Variants in DLG2 observed in about 807,000 individuals in gnomAD.
The protein encoded by DLG2 is disks large homolog 2.
Under a neutral mutation model 132.5 loss-of-function variants are expected in DLG2, and 45 were observed. That is an observed-to-expected ratio of 0.34 (90% CI 0.27 to 0.44). The LOEUF (loss-of-function observed/expected upper bound fraction) is 0.44. Ranked by LOEUF, DLG2 falls within the 20% of genes least tolerant of loss-of-function variation. The pLI is 1.00. For synonymous variants in DLG2, 424 were observed against 419.6 expected, an observed-to-expected ratio of 1.01 and a Z score of -0.13; for missense variants, 1,045 against 1,196.9, an observed-to-expected ratio of 0.87 and a Z score of 1.87.
At chr11:83,575,115 A>G (rs1166984509) in intron 19 of DLG2, among the ~76,000 whole-genome samples, 2 of 152,202 alleles carry the variant, frequency 1.3e-5, no homozygotes, top group African/African-American at 4.8e-5. Context: ...ATCTTTAAAG[A>G]TGTAAGAAGG....
In DLG2 at chr11:84,830,958, A is replaced by ACCC. The variant is rs147369970; in HGVS notation, c.357+280700_357+280702dup. Among the ~76,000 whole-genome samples, 139 of 80,136 alleles carry ACCC rather than the reference A, an allele frequency of 1.7e-3. 2 individuals are homozygous for ACCC. The highest frequency in any genetic ancestry group is 4.5e-3 in the South Asian group (8 of 1,792). The allele number at this position is 80,136 out of a possible 152,430, so 52.6% of individuals were successfully genotyped here. Reference sequence around the variant, plus strand: ...AGCAGTCTCTCTCTCTCCTCCCCCCACCCCCCCCAGCTCTGTCTCTATTTC... The same window carrying ACCC: ...AGCAGTCTCTCTCTCTCCTCCCCCCACCCCCCCCCCCAGCTCTGTCTCTATTTC... On this transcript the variant is annotated intron_variant, in intron 6 of 27. Coordinates refer to ENST00000376104, the MANE Select transcript of DLG2 (RefSeq NM_001142699.3).
chr11:84,193,206 G>C (rs12787368), intron 8 of DLG2, among the ~76,000 whole-genome samples: 2 of 152,134 alleles, frequency 1.3e-5, no homozygotes, highest in Non-Finnish European at 2.9e-5. Flanking sequence ...CCCTGGCCCC[G>C]AACTCTGGCA....
chr11:84,857,891 C>CT (rs958832905), intron 6 of DLG2, among the ~76,000 whole-genome samples: 1,837 of 145,740 alleles, frequency 0.013, 33 homozygotes, highest in African/African-American at 0.041. Flanking sequence ...TAGCCACTAA[C>CT]TTTTTTTTTT....
At chr11:83,934,896 A>T (rs1412000350) in intron 14 of DLG2, among the ~76,000 whole-genome samples, 1 of 151,774 alleles carries the variant, frequency 6.6e-6, no homozygotes, top group Non-Finnish European at 1.5e-5. Context: ...AAAAGTGATC[A>T]GTACCTTTTA....
At chr11:85,056,724 A>G (rs1340946421) in intron 6 of DLG2, among the ~76,000 whole-genome samples, 1 of 152,012 alleles carries the variant, frequency 6.6e-6, no homozygotes, top group African/African-American at 2.4e-5. Context: ...CTGAAAACCA[A>G]TGACAGAGAC....
At chr11:85,400,904 C>T (rs1208135646) in intron 3 of DLG2, among the ~76,000 whole-genome samples, 1 of 148,422 alleles carries the variant, frequency 6.7e-6, no homozygotes, top group South Asian at 2.1e-4. Context: ...GCACATTGTG[C>T]ACATGTACCC....
In DLG2 at chr11:85,160,889, C is replaced by T. The variant is rs569244068; in HGVS notation, c.187-6238G>A. The stretch of plus-strand genomic sequence containing the variant: ...GCACTACAACCCCTTTCTAGGACAT[C>T]GCTGAAGGTCAGAGTGAAGGGAAAT... On this transcript the variant is annotated intron_variant, in intron 4 of 27. Transcript: ENST00000376104. Among the ~76,000 whole-genome samples the T allele has an allele frequency of 3.9e-5, 6 of 152,298 alleles. No homozygotes were observed. In the East Asian group the frequency reaches 9.7e-4, roughly 25 times the overall value.
intron 6 of DLG2, among the ~76,000 whole-genome samples, chr11:84,728,415 C>T (rs1353880789): frequency 6.6e-6 from 1 of 152,110 alleles, no homozygotes; most frequent in East Asian, 1.9e-4. Flanking sequence ...TATGTTGAAC[C>T]AGCCTTACAT....
chr11:84,202,914 T>C (rs1429501551), intron 8 of DLG2, among the ~76,000 whole-genome samples: 1 of 152,130 alleles, frequency 6.6e-6, no homozygotes, highest in Non-Finnish European at 1.5e-5. Flanking sequence ...CACAATGAGA[T>C]ACCATCTCAC....
rs114964299 is a variant in DLG2, at chr11:84,997,067, C to T, written c.357+114594G>A. Among the ~76,000 whole-genome samples the T allele has an allele frequency of 9.1e-4, 139 of 152,092 alleles. 1 individual carries two copies. The highest frequency in any genetic ancestry group is 3.1e-3 in the African/African-American group (130 of 41,500). ...GTGGGGCAGAGGGGTTGGATGTAAACGTCATTAATAATCATGGTTTGCTTC... is the reference window on the plus strand; with the variant it reads ...GTGGGGCAGAGGGGTTGGATGTAAATGTCATTAATAATCATGGTTTGCTTC... On this transcript the variant is annotated intron_variant, in intron 6 of 27. Coordinates refer to ENST00000376104, the MANE Select transcript of DLG2 (RefSeq NM_001142699.3).
chr11:85,578,419 C>T (rs1180080225), intron 3 of DLG2, among the ~76,000 whole-genome samples: 2 of 152,154 alleles, frequency 1.3e-5, no homozygotes, highest in African/African-American at 4.8e-5. Context: ...AGAGCTTCTA[C>T]ACAGCAAAGG....
intron 11 of DLG2, among the ~76,000 whole-genome samples, chr11:84,032,786 G>C (rs1297928800): frequency 2.6e-5 from 4 of 152,104 alleles, no homozygotes; most frequent in African/African-American, 9.7e-5. Flanking sequence ...TCCTGGTAAG[G>C]GTTTATGGAG....
In DLG2 at chr11:85,510,092, A is replaced by G. The variant is rs2094024958; in HGVS notation, c.40+88565T>C. 7 of 151,914 alleles carry G rather than the reference A, an allele frequency of 4.6e-5. No individual in the cohort carries two copies. In the South Asian group the frequency reaches 1.4e-3, roughly 31 times the overall value. 9.4% of individuals were successfully genotyped at this position (151,914 alleles called of 1,614,324 possible). ...TTAGTTTTGTGAAAGCTGAAAGAAA[A>G]TTAGGAAGAAAGCTACCCAGGATGA... On this transcript the variant is annotated intron_variant, in intron 3 of 27. Transcript: ENST00000376104.
At chr11:84,131,168 T>C (rs1310186945) in intron 9 of DLG2, among the ~76,000 whole-genome samples, 1 of 151,882 alleles carries the variant, frequency 6.6e-6, no homozygotes, top group African/African-American at 2.4e-5. Flanking sequence ...GAAGTTCACA[T>C]ACAGGCAGAA....
intron 25 of DLG2, 83 bp from the exon 26 acceptor site, chr11:83,466,900 T>C: frequency 1.1e-6 from 1 of 921,018 alleles, no homozygotes; most frequent in Non-Finnish European, 1.7e-6. Context: ...GTATGTAGGT[T>C]TTAGAGGAAG....
At chr11:85,267,725 G>A (rs2077300889) in intron 4 of DLG2, among the ~76,000 whole-genome samples, 1 of 151,968 alleles carries the variant, frequency 6.6e-6, no homozygotes. Context: ...ATTTTATAGG[G>A]AAGCCTTTCT....
chr11:84,714,599 T>TGTCTC (rs1565749771), intron 6 of DLG2, among the ~76,000 whole-genome samples: 1 of 83,554 alleles, frequency 1.2e-5, no homozygotes, highest in African/African-American at 6.3e-5. Context: ...TTCTCTTTCT[T>TGTCTC]TCTCTTTCTC....
At chr11:83,685,240 C>G (rs2079529966) in intron 18 of DLG2, among the ~76,000 whole-genome samples, 1 of 152,138 alleles carries the variant, frequency 6.6e-6, no homozygotes, top group East Asian at 1.9e-4. Context: ...ATCTCATATC[C>G]ACTGCTTCTA....
At chr11:83,748,700 G>T (rs753688541) in intron 18 of DLG2, among the ~76,000 whole-genome samples, 1 of 152,164 alleles carries the variant, frequency 6.6e-6, no homozygotes, top group Non-Finnish European at 1.5e-5. Context: ...ATTTAGAAAA[G>T]GAACTCTCAT....
Sources: allele counts gnomAD v4.1 joint callset (sites outside exome capture counted in the v4.1 genomes callset), GRCh38; gene constraint gnomAD v4.1.1; transcripts MANE v1.5; gene names NCBI Gene and HGNC (gene_info 2026-07-23, HGNC 2026-07-21).